CA5A: variants seen among roughly 807,000 people sequenced by gnomAD.
The protein encoded by CA5A is carbonic anhydrase 5A, mitochondrial.
Under a neutral mutation model 37.1 loss-of-function variants are expected in CA5A, and 28 were observed. That is an observed-to-expected ratio of 0.75 (90% CI 0.56 to 1.03). The LOEUF (loss-of-function observed/expected upper bound fraction) is 1.03. Among genes scored for constraint, CA5A ranks in the 50% least tolerant of loss-of-function variants. CA5A has a pLI of 0.00. For synonymous variants in CA5A, 171 were observed against 158.4 expected (o/e 1.08, Z -0.60); for missense variants, 444 against 399.9 (o/e 1.11, Z -0.94).
chr16:87,903,747 G>A (rs987010773), intron 3 of CA5A, among the ~76,000 whole-genome samples: 1 of 152,292 alleles, frequency 6.6e-6, no homozygotes, highest in African/African-American at 2.4e-5. Flanking sequence ...TCAAAAAACA[G>A]AAAGAGTCCT....
At chr16:87,936,185 A>C (rs531665486) in intron 1 of CA5A, 124 bp downstream of exon 1, 4 of 657,472 alleles carry the variant, frequency 6.1e-6, no homozygotes, top group East Asian at 5.3e-5. Flanking sequence ...AAAAAAAAAA[A>C]AAAAACGGAG....
At chr16:87,908,667 C>T (rs2056001104) in intron 2 of CA5A, among the ~76,000 whole-genome samples, 1 of 152,170 alleles carries the variant, frequency 6.6e-6, no homozygotes, top group Non-Finnish European at 1.5e-5. Context: ...GACTTGTGAG[C>T]CCTGAGCCTC....
chr16:87,901,013 G>T (rs1245643752), intron 5 of CA5A, among the ~76,000 whole-genome samples: 1 of 152,236 alleles, frequency 6.6e-6, no homozygotes, highest in Non-Finnish European at 1.5e-5. Context: ...ATCACCTGAA[G>T]TCAGCAGTTT....
intron 1 of CA5A, among the ~76,000 whole-genome samples, chr16:87,936,021 A>T (rs987755765): frequency 6.6e-6 from 1 of 151,832 alleles, no homozygotes; most frequent in Non-Finnish European, 1.5e-5. Flanking sequence ...AAATACGAAA[A>T]ATTAGCCAGG....
At chr16:87,929,643 T>A (rs13335132) in intron 1 of CA5A, among the ~76,000 whole-genome samples, 3 of 151,346 alleles carry the variant, frequency 2.0e-5, no homozygotes, top group Non-Finnish European at 4.4e-5. Flanking sequence ...GAGGCCGAGG[T>A]GGGCGGATCA....
chr16:87,933,104 A>G (rs1025831741), intron 1 of CA5A, among the ~76,000 whole-genome samples: 15 of 152,100 alleles, frequency 9.9e-5, no homozygotes, highest in African/African-American at 3.6e-4. Flanking sequence ...GCCCGGGGGG[A>G]GCCAAATGCA....
chr16:87,904,674 C>T, intron 3 of CA5A, 112 bp downstream of exon 3: 1 of 675,552 alleles, frequency 1.5e-6, no homozygotes, highest in Non-Finnish European at 2.6e-6. Context: ...CAGTCCCAGG[C>T]CCCAGGAAAT....
chr16:87,914,126 C>G (rs2056094374), intron 2 of CA5A, among the ~76,000 whole-genome samples: 1 of 152,222 alleles, frequency 6.6e-6, no homozygotes, highest in Non-Finnish European at 1.5e-5. Context: ...TCAATATTTG[C>G]TGAGAGAAAA....
At position 87,891,715 on chromosome 16, in the gene CA5A, C is replaced by G. The variant is rs2055716430; in HGVS notation, c.774+84G>C. The G allele has an allele frequency of 5.0e-6, 6 of 1,202,084 alleles. No homozygotes were observed. In the East Asian group the frequency reaches 1.5e-4, roughly 30 times the overall value. 74.5% of individuals were successfully genotyped at this position (1,202,084 alleles called of 1,614,324 possible). A position where few individuals can be genotyped will look rare whatever the true frequency, so the allele number is the denominator to read the frequency against. On this transcript the variant is annotated intron_variant, in intron 6 of 6. Transcript: ENST00000649794. Reference sequence around the variant, plus strand: ...AGAATATATATAACTCCACAACGCTCTCATGCAGCATCTTAGTGACGCTGC... The same window carrying G: ...AGAATATATATAACTCCACAACGCTGTCATGCAGCATCTTAGTGACGCTGC...
chr16:87,916,449 T>G (rs2056144798), intron 2 of CA5A, among the ~76,000 whole-genome samples: 1 of 152,226 alleles, frequency 6.6e-6, no homozygotes, highest in East Asian at 1.9e-4. Flanking sequence ...TGGCACTTTC[T>G]TACCAGCTGG....
chr16:87,886,382 G>A (rs1597535715), downstream of CA5A: 1 of 152,076 alleles, frequency 6.6e-6, no homozygotes, highest in African/African-American at 2.4e-5. Flanking sequence ...CTTGGCCTCC[G>A]AAAGTGCTGG....
intron 2 of CA5A, among the ~76,000 whole-genome samples, chr16:87,922,115 T>C (rs1214553647): frequency 6.6e-6 from 1 of 152,132 alleles, no homozygotes; most frequent in Non-Finnish European, 1.5e-5. Flanking sequence ...GTTACAGGTG[T>C]GAGCCGCCGG....
intron 2 of CA5A, among the ~76,000 whole-genome samples, chr16:87,926,413 G>C (rs1244216304): frequency 1.3e-5 from 2 of 152,134 alleles, no homozygotes; most frequent in Non-Finnish European, 2.9e-5. Flanking sequence ...CTTCCGACGC[G>C]CAAAGTGTTC....
rs370539691 is a variant in CA5A, at chr16:87,913,661, CTCCTCT to C, written c.341-8763_341-8758del. ...TGAGTGTCTGTGCCGTGGCCCCCCC[CTCCTCT>C]CCAATACGAAGAGCCCACACTCAGC... On this transcript the variant is annotated intron_variant, in intron 2 of 6. Coordinates refer to ENST00000649794, the MANE Select transcript of CA5A (RefSeq NM_001739.2). Among the ~76,000 whole-genome samples the C allele has an allele frequency of 8.3e-4, 121 of 145,580 alleles. 1 individual carries two copies. The highest frequency in any genetic ancestry group is 3.0e-3 in the African/African-American group (116 of 39,134).
At chr16:87,922,386 G>A (rs1017752185) in intron 2 of CA5A, among the ~76,000 whole-genome samples, 40 of 152,176 alleles carry the variant, frequency 2.6e-4, no homozygotes, top group African/African-American at 8.9e-4. Flanking sequence ...GATCCTGGGG[G>A]ATAATTACCA....
chr16:87,908,135 C>A (rs1039960470), intron 2 of CA5A, among the ~76,000 whole-genome samples: 1 of 152,160 alleles, frequency 6.6e-6, no homozygotes, highest in East Asian at 1.9e-4. Context: ...ACAGTGGAAT[C>A]GAGCCTTTCC....
At chr16:87,924,263 C>T (rs536658466) in intron 2 of CA5A, 72 of 985,424 alleles carry the variant, frequency 7.3e-5, no homozygotes, top group Middle Eastern at 1.0e-3. Flanking sequence ...GAAGCATCCG[C>T]GGGGGTTGCA....
At chr16:87,897,520 G>A (rs1054495081) in intron 5 of CA5A, among the ~76,000 whole-genome samples, 4 of 151,822 alleles carry the variant, frequency 2.6e-5, no homozygotes, top group Non-Finnish European at 5.9e-5. Context: ...GGTGCTGGGG[G>A]TGGGGGTGGG....
chr16:87,908,084 TATTC>T (rs140167836), intron 2 of CA5A, among the ~76,000 whole-genome samples: 3,671 of 152,306 alleles, frequency 0.024, 138 homozygotes, highest in African/African-American at 0.084. Context: ...TCCACTGATT[TATTC>T]ATCGAATCAC....
Sources: allele counts gnomAD v4.1 joint callset (sites outside exome capture counted in the v4.1 genomes callset), GRCh38; gene constraint gnomAD v4.1.1; transcripts MANE v1.5; gene names NCBI Gene and HGNC (gene_info 2026-07-23, HGNC 2026-07-21).